The following KLC1 variants were observed in gnomAD, a reference collection of about 807,000 sequenced individuals.
KLC1 encodes the protein kinesin 2 60/70kDa.
KLC1 carries 30 observed loss-of-function variants against 84.2 expected under a neutral mutation model. The observed-to-expected ratio is 0.36, with a 90% CI of 0.27 to 0.48. The LOEUF (loss-of-function observed/expected upper bound fraction) is 0.48, where lower values mean the gene tolerates loss of function less well. Among genes scored for constraint, KLC1 ranks in the 20% least tolerant of loss-of-function variants. The pLI, the probability that KLC1 is intolerant of heterozygous loss-of-function variation, is 0.99. For missense variants in KLC1, 499 were observed against 805.4 expected (o/e 0.62, Z 4.60); for synonymous variants, 289 against 293.3 (o/e 0.99, Z 0.15).
At chr14:103,699,853 C>T (rs1276409290) in intron 15 of KLC1, 5 of 502,936 alleles carry the variant, frequency 9.9e-6, no homozygotes, top group East Asian at 7.4e-5. Context: ...GTGCCAACAC[C>T]GTCCTCTGTA....
At chr14:103,698,330 G>A (rs899718978) in intron 15 of KLC1, 1 of 192,730 alleles carries the variant, frequency 5.2e-6, no homozygotes, top group Non-Finnish European at 1.1e-5. Flanking sequence ...CCTGAGTGGT[G>A]GGGGAGTAAG....
intron 13 of KLC1, among the ~76,000 whole-genome samples, chr14:103,680,129 T>C (rs948905143): frequency 6.6e-6 from 1 of 152,200 alleles, no homozygotes; most frequent in South Asian, 2.1e-4. Context: ...CAGCCCGCCA[T>C]GTGCCTGAGA....
rs59772643 is a variant in KLC1, at chr14:103,678,710, A to G, written c.1489-674A>G. 6.2e-3 allele frequency among the ~76,000 whole-genome samples: 939 copies of G among 152,018 alleles called. 16 individuals are homozygous for G. Among genetic ancestry groups the G allele is most frequent in the African/African-American group, 0.02 (846 of 41,414 alleles). ...GTCTCAAAGAAAGAAAAAAAAAAAG[A>G]AAAAGTGAAAAGACCCCCATGCAAC... On this transcript the variant is annotated intron_variant, in intron 12 of 16. Coordinates refer to ENST00000334553, the MANE Select transcript of KLC1 (RefSeq NM_001394837.1).
chr14:103,632,518 C>A (rs1353440404), intron 1 of KLC1, among the ~76,000 whole-genome samples: 1 of 152,174 alleles, frequency 6.6e-6, no homozygotes, highest in East Asian at 1.9e-4. Flanking sequence ...GAGTTTGAGA[C>A]CCGCCTGGAC....
Position 103,692,381 on chromosome 14 carries a change from A to G in KLC1, c.1804A>G (p.Asn602Asp). Residue 602 changes from asparagine (N) to aspartate (D), a missense_variant, in exon 15 of 17, where the codon AAT becomes GAT. Asn to Asp is a conservative substitution (Grantham distance 23, BLOSUM62 1). This residue lies in a region of KLC1 where 167 missense variants were observed against 208.8 expected (regional missense o/e 0.80). Transcript: ENST00000334553. Reference sequence around the variant, plus strand: ...CAGCATGAAGCGTGCCAGCTCTCTGAATGTCCTTAACGTGGGTGGCAAGGC... The same window carrying G: ...CAGCATGAAGCGTGCCAGCTCTCTGGATGTCCTTAACGTGGGTGGCAAGGC... ...NPGMKRASSL[N>D]VLNVGGKAAE... 6.5e-7 allele frequency: 1 copy of G among 1,536,668 alleles called. No homozygotes were observed. Among genetic ancestry groups the G allele is most frequent in the Non-Finnish European group, 8.7e-7 (1 of 1,147,030 alleles).
At chr14:103,668,722 G>T (rs968031878) in intron 5 of KLC1, among the ~76,000 whole-genome samples, 1 of 151,770 alleles carries the variant, frequency 6.6e-6, no homozygotes, top group Non-Finnish European at 1.5e-5. Flanking sequence ...CTCGTGATCC[G>T]CCCGCCTCAG....
At chr14:103,699,801 C>T (rs2082978154) in intron 15 of KLC1, 1 of 590,800 alleles carries the variant, frequency 1.7e-6, no homozygotes, top group African/African-American at 1.9e-5. Flanking sequence ...CCCTTGGCCC[C>T]ATGTCCTTCC....
chr14:103,635,361 G>A (rs1168836019), intron 1 of KLC1, among the ~76,000 whole-genome samples: 2 of 152,162 alleles, frequency 1.3e-5, no homozygotes, highest in African/African-American at 4.8e-5. Flanking sequence ...GATGTCATAT[G>A]TGTCTGTAGT....
In KLC1 at chr14:103,701,390, G is replaced by A. The variant is rs1007642201; in HGVS notation, c.*191G>A. On this transcript the variant is annotated 3_prime_UTR_variant, in exon 17 of 17. Transcript: ENST00000334553. ...GGCGTGACCTTGGGGCTGGGGCTGG[G>A]CCTAAGCTGGTGCCCTGGTGCGGCG... 7.7e-5 allele frequency: 44 copies of A among 568,042 alleles called. No homozygotes were observed. Among genetic ancestry groups the A allele is most frequent in the African/African-American group, 6.5e-4 (35 of 53,474 alleles). The allele number at this position is 568,042 out of a possible 1,614,324, so 35.2% of individuals were successfully genotyped here.
intron 1 of KLC1, among the ~76,000 whole-genome samples, chr14:103,634,568 A>G (rs185150362): frequency 6.6e-6 from 1 of 152,074 alleles, no homozygotes; most frequent in African/African-American, 2.4e-5. Context: ...GTCGGGTGTG[A>G]TGTCCATCTG....
chr14:103,632,843 A>G (rs2076787470), intron 1 of KLC1, among the ~76,000 whole-genome samples: 1 of 152,118 alleles, frequency 6.6e-6, no homozygotes, highest in South Asian at 2.1e-4. Context: ...ATTCTTCACA[A>G]AAGAAAAGTA....
intron 1 of KLC1, among the ~76,000 whole-genome samples, chr14:103,648,371 A>G (rs780692028): frequency 1.1e-4 from 16 of 152,222 alleles, no homozygotes; most frequent in Non-Finnish European, 2.1e-4. Context: ...GCAAGTTGCG[A>G]TACAGGTATT....
At chr14:103,696,096 CCGCCCCCCG>C (rs754355289) in intron 15 of KLC1, 88 of 364,236 alleles carry the variant, frequency 2.4e-4, no homozygotes, top group Non-Finnish European at 2.7e-4. Context: ...CACTGCGCCC[CCGCCCCCCG>C]CCCCCCCCCA....
At chr14:103,697,579 G>A (rs1240133847) in intron 15 of KLC1, 1 of 152,242 alleles carries the variant, frequency 6.6e-6, no homozygotes, top group African/African-American at 2.4e-5. Context: ...ATTACTCAGA[G>A]CAGTGCCTGG....
intron 1 of KLC1, among the ~76,000 whole-genome samples, chr14:103,652,823 T>TTAAC (rs778740960): frequency 2.0e-5 from 3 of 152,198 alleles, no homozygotes; most frequent in Non-Finnish European, 2.9e-5. Flanking sequence ...TCTGGCCTCT[T>TTAAC]TGTTAGTGGA....
chr14:103,643,995 C>G lies in KLC1; in HGVS notation c.-1-10569C>G, dbSNP rs545505286. Among the ~76,000 whole-genome samples, 8 of 152,154 alleles carry G rather than the reference C, an allele frequency of 5.3e-5. No individual in the cohort carries two copies. The East Asian group carries it at 1.4e-3, about 26-fold the overall frequency. On this transcript the variant is annotated intron_variant, in intron 1 of 16. Coordinates refer to ENST00000334553, the MANE Select transcript of KLC1 (RefSeq NM_001394837.1). ...CTTTGAGAGGCCGAGGCAGGCAGATCACGAGGTCAGGAGATCGAGACCATC... is the reference window on the plus strand; with the variant it reads ...CTTTGAGAGGCCGAGGCAGGCAGATGACGAGGTCAGGAGATCGAGACCATC...
At chr14:103,700,444 T>C in intron 15 of KLC1, 1 of 476,098 alleles carries the variant, frequency 2.1e-6, no homozygotes, top group East Asian at 3.6e-5. Flanking sequence ...TGGGGGAGGG[T>C]GACACAGCTG....
Position 103,693,958 on chromosome 14 carries a change from A to G in KLC1, c.1848+1533A>G, listed in dbSNP as rs1436356041. On this transcript the variant is annotated intron_variant, in intron 15 of 16. Coordinates refer to ENST00000334553, the MANE Select transcript of KLC1 (RefSeq NM_001394837.1). This position sits in a 1 kb window ranked among gnomAD's most constrained non-coding sequence, Gnocchi z 5.1. ...ATTTCCTGCCTGCCACCTTTTTGCC[A>G]TGACACCAGACTCTCTTTTAAATTG... is the stretch of plus-strand genomic sequence containing the variant. 5.0e-6 allele frequency: 6 copies of G among 1,195,530 alleles called. No homozygotes were observed. The highest frequency in any genetic ancestry group is 4.3e-5 in the East Asian group (1 of 23,238). The allele number at this position is 1,195,530 out of a possible 1,614,324, so 74.1% of individuals were successfully genotyped here. A position where few individuals can be genotyped will look rare whatever the true frequency, so the allele number is the denominator to read the frequency against.
chr14:103,639,409 G>C (rs997949452), intron 1 of KLC1, among the ~76,000 whole-genome samples: 1 of 152,138 alleles, frequency 6.6e-6, no homozygotes, highest in Admixed American at 6.5e-5. Flanking sequence ...GGGATTACAG[G>C]TGTGAGCCAC....
Sources: allele counts gnomAD v4.1 joint callset (sites outside exome capture counted in the v4.1 genomes callset), GRCh38; gene constraint gnomAD v4.1.1; regional missense constraint gnomAD v4.1.1; non-coding constraint Gnocchi (gnomAD v3.1); transcripts MANE v1.5; gene names NCBI Gene and HGNC (gene_info 2026-07-23, HGNC 2026-07-21).